Variants in TMEM132C observed in about 807,000 individuals in gnomAD.
TMEM132C encodes the protein transmembrane protein 132C, also known as protein phosphatase 1, regulatory subunit 152.
TMEM132C carries 29 observed loss-of-function variants against 61.4 expected under a neutral mutation model. That is an observed-to-expected ratio of 0.47 (90% CI 0.35 to 0.64). The LOEUF (loss-of-function observed/expected upper bound fraction) is 0.64, where lower values mean the gene tolerates loss of function less well. Among genes scored for constraint, TMEM132C ranks in the 30% least tolerant of loss-of-function variants. TMEM132C has a pLI of 0.00. For synonymous variants in TMEM132C, 656 were observed against 633.1 expected (o/e 1.04, Z -0.54); for missense variants, 1,408 against 1,476.9 (o/e 0.95, Z 0.76).
At chr12:128,625,558 T>G (rs1209116587) in intron 4 of TMEM132C, among the ~76,000 whole-genome samples, 1 of 152,138 alleles carries the variant, frequency 6.6e-6, no homozygotes, top group East Asian at 1.9e-4. Flanking sequence ...CTTACATGGA[T>G]GGTGGCAGGC....
In TMEM132C at chr12:128,415,488, C is replaced by T; in HGVS notation, c.842C>T (p.Ala281Val). 6.4e-7 allele frequency: 1 copy of T among 1,551,582 alleles called. No individual in the cohort carries two copies. Among genetic ancestry groups the T allele is most frequent in the Non-Finnish European group, 8.7e-7 (1 of 1,146,990 alleles). The change falls in exon 2 of 9, where the codon GCC becomes GTC. Residue 281 changes from alanine to valine, a missense_variant. Transcript: ENST00000435159. The surrounding 1 kb of genome is among the most constrained non-coding windows in gnomAD (Gnocchi z 5.8). ...TVGLYRAQDS[A>V]QLSELRLDGN... ...GGCCTTTACCGGGCCCAGGACAGCG[C>T]CCAGCTCAGCGAGCTGCGTTTGGAT...
At chr12:128,509,775 G>A (rs548719325) in intron 2 of TMEM132C, among the ~76,000 whole-genome samples, 35 of 152,294 alleles carry the variant, frequency 2.3e-4, no homozygotes, top group African/African-American at 7.7e-4. Context: ...GGCTCTTGGT[G>A]GACAGGGGAG....
At chr12:128,678,961 C>T (rs903807007) in intron 5 of TMEM132C, among the ~76,000 whole-genome samples, 1 of 152,188 alleles carries the variant, frequency 6.6e-6, no homozygotes. Context: ...AGACAGACTC[C>T]TGTTATGTCT....
chr12:128,455,818 G>T (rs370181877), intron 2 of TMEM132C, among the ~76,000 whole-genome samples: 16 of 152,262 alleles, frequency 1.1e-4, no homozygotes, highest in African/African-American at 3.1e-4. Flanking sequence ...TACGGGCTGT[G>T]GGGGAGCCCG....
intron 4 of TMEM132C, among the ~76,000 whole-genome samples, chr12:128,629,208 A>C (rs1954045107): frequency 6.6e-6 from 1 of 152,174 alleles, no homozygotes; most frequent in Admixed American, 6.5e-5. Context: ...AGCCTTTGTT[A>C]ATCTTAAGAA....
At chr12:128,375,294 G>A (rs559892716) in intron 1 of TMEM132C, among the ~76,000 whole-genome samples, 59 of 152,236 alleles carry the variant, frequency 3.9e-4, no homozygotes, top group Non-Finnish European at 7.1e-4. Flanking sequence ...AGCTTCTAGG[G>A]ATGCCGTGAC....
Position 128,694,032 on chromosome 12 carries a change from G to T in TMEM132C, c.1653G>T (p.Lys551Asn). ...GGAGGGTCCCCATTGTGACCAATAA[G>T]AGGTGAGCCTCGGATGGGGAGATGC... is the stretch of plus-strand genomic sequence containing the variant. ...KGWRVPIVTN[K>N]RPTRESEDED... The change falls in exon 6 of 9, where the codon AAG becomes AAT. Residue 551 changes from lysine (K) to asparagine (N), a missense_variant and splice_region_variant. Physicochemically the swap from Lys to Asn is moderately conservative, Grantham distance 94. Transcript: ENST00000435159. 1.3e-6 allele frequency: 2 copies of T among 1,551,640 alleles called. No individual in the cohort carries two copies. The highest frequency in any genetic ancestry group is 1.7e-6 in the Non-Finnish European group (2 of 1,146,950).
intron 2 of TMEM132C, among the ~76,000 whole-genome samples, chr12:128,465,074 T>A (rs73440665): frequency 1.8e-4 from 27 of 152,032 alleles, no homozygotes; most frequent in Non-Finnish European, 3.1e-4. Flanking sequence ...GACGTCCTCC[T>A]ATGCTTGTTG....
At chr12:128,382,902 GTGTA>G (rs1874448869) in intron 1 of TMEM132C, among the ~76,000 whole-genome samples, 2 of 151,944 alleles carry the variant, frequency 1.3e-5, no homozygotes, top group African/African-American at 4.8e-5. Flanking sequence ...ATATGTATCT[GTGTA>G]TGTGTGCATA....
intron 2 of TMEM132C, among the ~76,000 whole-genome samples, chr12:128,448,726 G>A (rs1048314059): frequency 4.6e-5 from 7 of 152,094 alleles, no homozygotes; most frequent in East Asian, 3.8e-4. Context: ...GGCAAAATAC[G>A]CCCTCTTTTA....
chr12:128,543,973 G>C lies in TMEM132C; in HGVS notation c.991G>C (p.Gly331Arg). ...TCCCCACAGAGCCAAGGTGAAGAAG[G>C]GGGTGAACATCCTGAGTGCTCAGAC... ...LFILRAKVKK[G>R]VNILSAQTRE... The change falls in exon 3 of 9, where the codon GGG (glycine) becomes CGG (arginine). Residue 331 changes from glycine to arginine, a missense_variant. By Grantham distance (125) the Gly-to-Arg change is moderately radical (BLOSUM62 -2). Transcript: ENST00000435159. The C allele has an allele frequency of 6.5e-7, 1 of 1,546,362 alleles. No homozygotes were observed. Among genetic ancestry groups the C allele is most frequent in the Non-Finnish European group, 8.7e-7 (1 of 1,144,734 alleles).
At chr12:128,411,422 C>T (rs576712283) in intron 1 of TMEM132C, among the ~76,000 whole-genome samples, 4 of 152,270 alleles carry the variant, frequency 2.6e-5, no homozygotes, top group Middle Eastern at 6.8e-3. Flanking sequence ...ACAGTATCAT[C>T]GAGTCATAGA....
intron 5 of TMEM132C, among the ~76,000 whole-genome samples, chr12:128,682,066 C>T (rs998798737): frequency 5.3e-5 from 8 of 152,102 alleles, no homozygotes; most frequent in African/African-American, 7.2e-5. Flanking sequence ...TCTGATTGCT[C>T]CCGCTTAGGT....
chr12:128,688,889 G>T (rs1254094799), intron 5 of TMEM132C, among the ~76,000 whole-genome samples: 1 of 152,130 alleles, frequency 6.6e-6, no homozygotes, highest in Non-Finnish European at 1.5e-5. Flanking sequence ...TGCCTCCCAG[G>T]TTCAAGCGAT....
chr12:128,682,586 C>G (rs1309269108), intron 5 of TMEM132C, among the ~76,000 whole-genome samples: 1 of 152,226 alleles, frequency 6.6e-6, no homozygotes, highest in South Asian at 2.1e-4. Flanking sequence ...TTAACACTCT[C>G]TGTGTGTAGG....
intron 1 of TMEM132C, among the ~76,000 whole-genome samples, chr12:128,280,512 A>C (rs896393829): frequency 6.6e-6 from 1 of 152,222 alleles, no homozygotes. Context: ...TATAAGGAAA[A>C]CATGCTTAAA....
chr12:128,446,110 CT>C (rs1565938748), intron 2 of TMEM132C, among the ~76,000 whole-genome samples: 1 of 152,160 alleles, frequency 6.6e-6, no homozygotes, highest in Non-Finnish European at 1.5e-5. Context: ...AATTATTTGC[CT>C]TCTCAGATTC....
chr12:128,424,653 T>C (rs1053283771), intron 2 of TMEM132C, among the ~76,000 whole-genome samples: 3 of 152,162 alleles, frequency 2.0e-5, no homozygotes, highest in African/African-American at 7.2e-5. Flanking sequence ...AATTAAGTAG[T>C]GGTGATGGTT....
At position 128,660,579 on chromosome 12, in the gene TMEM132C, G is replaced by A. The variant is rs1055433618; in HGVS notation, c.1306-8838G>A. Among the ~76,000 whole-genome samples, 19 of 152,334 alleles carry A rather than the reference G, an allele frequency of 1.2e-4. No homozygotes were observed. In the East Asian group the frequency reaches 3.5e-3, roughly 28 times the overall value. ...TTTCTCTATGGGCTTCCCACTTGTTGTTTGTGGTTCCCAGACACTTTATGC... is the reference window on the plus strand; with the variant it reads ...TTTCTCTATGGGCTTCCCACTTGTTATTTGTGGTTCCCAGACACTTTATGC... On this transcript the variant is annotated intron_variant, in intron 4 of 8. Transcript: ENST00000435159.
Sources: allele counts gnomAD v4.1 joint callset (sites outside exome capture counted in the v4.1 genomes callset), GRCh38; gene constraint gnomAD v4.1.1; non-coding constraint Gnocchi (gnomAD v3.1); transcripts MANE v1.5; gene names NCBI Gene and HGNC (gene_info 2026-07-23, HGNC 2026-07-21).